SLC30A9: variants seen among roughly 807,000 people sequenced by gnomAD.
The protein encoded by SLC30A9 is solute carrier family 30 member 9.
Under a neutral mutation model 87.5 loss-of-function variants are expected in SLC30A9, and 58 were observed. That is an observed-to-expected ratio of 0.66 (90% CI 0.54 to 0.82). The LOEUF is 0.82. SLC30A9 is among the 40% of genes least tolerant of loss of function. SLC30A9 has a pLI of 0.00. For synonymous variants in SLC30A9, 234 were observed against 233.0 expected, an observed-to-expected ratio of 1.00 and a Z score of -0.04; for missense variants, 557 against 679.1, an observed-to-expected ratio of 0.82 and a Z score of 2.00.
At chr4:42,076,974 A>AAAAAAAAAAAAG (rs200061915) in intron 16 of SLC30A9, among the ~76,000 whole-genome samples, 2 of 141,260 alleles carry the variant, frequency 1.4e-5, no homozygotes, top group African/African-American at 2.6e-5. Context: ...AAAAAAAAAA[A>AAAAAAAAAAAAG]AAAGAAAGAA....
intron 6 of SLC30A9, among the ~76,000 whole-genome samples, chr4:42,025,816 C>G (rs896912603): frequency 4.6e-5 from 7 of 152,168 alleles, no homozygotes; most frequent in Non-Finnish European, 1.0e-4. Context: ...CAGGCACCCG[C>G]CACCGCGCCC....
At chr4:42,024,510 C>A (rs1716105690) in intron 6 of SLC30A9, among the ~76,000 whole-genome samples, 1 of 152,144 alleles carries the variant, frequency 6.6e-6, no homozygotes, top group African/African-American at 2.4e-5. Flanking sequence ...AGAAAGAATA[C>A]ATCAATAAAT....
intron 9 of SLC30A9, among the ~76,000 whole-genome samples, chr4:42,054,272 C>G (rs937489518): frequency 6.6e-6 from 1 of 152,046 alleles, no homozygotes; most frequent in Non-Finnish European, 1.5e-5. Context: ...ACAGGAGAAT[C>G]ACTTGAACCC....
At chr4:41,996,895 G>T (rs1225307687) in intron 1 of SLC30A9, among the ~76,000 whole-genome samples, 1 of 152,082 alleles carries the variant, frequency 6.6e-6, no homozygotes, top group African/African-American at 2.4e-5. Flanking sequence ...TTAGTCAGGC[G>T]TGGTGGCACA....
chr4:41,993,823 T>C (rs1714567060), intron 1 of SLC30A9, among the ~76,000 whole-genome samples: 2 of 152,232 alleles, frequency 1.3e-5, no homozygotes, highest in Admixed American at 1.3e-4. Context: ...ATGATACCTT[T>C]ATTATGGGCT....
At chr4:42,059,141 C>T (rs1717745665) in intron 9 of SLC30A9, among the ~76,000 whole-genome samples, 1 of 151,894 alleles carries the variant, frequency 6.6e-6, no homozygotes, top group African/African-American at 2.4e-5. Context: ...TTCTTGTAAC[C>T]TAAGGGAAAC....
At chr4:42,036,316 C>T (rs190338020) in intron 7 of SLC30A9, among the ~76,000 whole-genome samples, 1 of 152,270 alleles carries the variant, frequency 6.6e-6, no homozygotes, top group Non-Finnish European at 1.5e-5. Flanking sequence ...ACTAACTCAT[C>T]TACACATGTG....
intron 11 of SLC30A9, among the ~76,000 whole-genome samples, chr4:42,064,874 T>TA (rs537155954): frequency 6.6e-6 from 1 of 151,490 alleles, no homozygotes; most frequent in Non-Finnish European, 1.5e-5. Flanking sequence ...TTCATTAAAA[T>TA]AAAAAAAATG....
At chr4:41,992,529 A>G (rs1714497285) in intron 1 of SLC30A9, among the ~76,000 whole-genome samples, 1 of 152,170 alleles carries the variant, frequency 6.6e-6, no homozygotes, top group Non-Finnish European at 1.5e-5. Flanking sequence ...GAGAAGAAAC[A>G]GTGTAATTTG....
At chr4:42,080,059 A>T (rs1718698210) in intron 17 of SLC30A9, among the ~76,000 whole-genome samples, 1 of 152,206 alleles carries the variant, frequency 6.6e-6, no homozygotes, top group Admixed American at 6.5e-5. Flanking sequence ...CTTCAGTTGT[A>T]GTGATTTGAT....
intron 10 of SLC30A9, among the ~76,000 whole-genome samples, chr4:42,061,534 A>G (rs191888519): frequency 3.3e-5 from 5 of 152,352 alleles, no homozygotes; most frequent in African/African-American, 4.8e-5. Flanking sequence ...TGTCACATCT[A>G]TAAACTGGGA....
At chr4:42,084,239 A>T (rs1718837720) in intron 17 of SLC30A9, among the ~76,000 whole-genome samples, 1 of 152,186 alleles carries the variant, frequency 6.6e-6, no homozygotes, top group Non-Finnish European at 1.5e-5. Flanking sequence ...ATTTTAAGAG[A>T]TAACCATTTT....
chr4:42,026,154 G>A (rs1336908242), intron 6 of SLC30A9, among the ~76,000 whole-genome samples: 1 of 152,138 alleles, frequency 6.6e-6, no homozygotes, highest in East Asian at 1.9e-4. Context: ...ATTATAAAGA[G>A]GACTGCACTT....
Position 42,087,722 on chromosome 4 carries a change from A to G in SLC30A9, c.*1596A>G, listed in dbSNP as rs1553919984. 6.6e-6 allele frequency: 1 copy of G among 151,136 alleles called. No individual in the cohort carries two copies. The highest frequency in any genetic ancestry group is 1.5e-5 in the Non-Finnish European group (1 of 67,850). 9.4% of individuals were successfully genotyped at this position (151,136 alleles called of 1,614,324 possible). Reference sequence around the variant, plus strand: ...ATATAATTTGATACTCTATTCTTACAGTTTCAAATTCCTTATCCCTTCTTT... The same window carrying G: ...ATATAATTTGATACTCTATTCTTACGGTTTCAAATTCCTTATCCCTTCTTT... On this transcript the variant is annotated 3_prime_UTR_variant, in exon 18 of 18. Transcript: ENST00000264451.
chr4:41,996,047 G>A (rs976931710), intron 1 of SLC30A9, among the ~76,000 whole-genome samples: 11 of 151,758 alleles, frequency 7.2e-5, no homozygotes, highest in Admixed American at 3.9e-4. Context: ...GAAACCTGTT[G>A]TGTCTAGGGT....
intron 2 of SLC30A9, among the ~76,000 whole-genome samples, chr4:42,008,949 A>T (rs757608612): frequency 1.9e-4 from 29 of 152,242 alleles, no homozygotes; most frequent in Non-Finnish European, 3.8e-4. Flanking sequence ...ATGCAATGAA[A>T]GAATGCAGAG....
intron 4 of SLC30A9, among the ~76,000 whole-genome samples, chr4:42,021,022 T>A (rs186146435): frequency 1.3e-5 from 2 of 152,326 alleles, no homozygotes; most frequent in Non-Finnish European, 2.9e-5. Context: ...TGAAATTATG[T>A]TAGTCACAGA....
intron 8 of SLC30A9, among the ~76,000 whole-genome samples, chr4:42,042,991 T>C (rs1716984690): frequency 6.6e-6 from 1 of 152,172 alleles, no homozygotes; most frequent in African/African-American, 2.4e-5. Flanking sequence ...GAGGCCTGAC[T>C]GTTAGAAAGA....
intron 6 of SLC30A9, among the ~76,000 whole-genome samples, chr4:42,030,815 A>T (rs1015119108): frequency 6.6e-6 from 1 of 152,220 alleles, no homozygotes; most frequent in Non-Finnish European, 1.5e-5. Context: ...TGCTGTCTTG[A>T]CATCTCTTCC....
Sources: allele counts gnomAD v4.1 joint callset (sites outside exome capture counted in the v4.1 genomes callset), GRCh38; gene constraint gnomAD v4.1.1; transcripts MANE v1.5; gene names NCBI Gene and HGNC (gene_info 2026-07-23, HGNC 2026-07-21).